Variants in PTPRO observed in about 807,000 individuals in gnomAD.
The protein encoded by PTPRO is receptor-type tyrosine-protein phosphatase O.
Under a neutral mutation model 145.2 loss-of-function variants are expected in PTPRO, and 62 were observed. The ratio of observed to expected loss-of-function variants is 0.43; its 90% CI spans 0.35 to 0.53. The LOEUF is 0.53. Ranked by LOEUF, PTPRO falls within the 20% of genes least tolerant of loss-of-function variation. The pLI is 0.01. For missense variants in PTPRO, 1,345 were observed against 1,482.7 expected (o/e 0.91, Z 1.53); for synonymous variants, 565 against 514.7 (o/e 1.10, Z -1.32).
chr12:15,388,895 A>G (rs952345950), intron 1 of PTPRO, among the ~76,000 whole-genome samples: 2 of 152,008 alleles, frequency 1.3e-5, no homozygotes, highest in African/African-American at 4.8e-5. Flanking sequence ...TGAAATCCGC[A>G]TAAAGTGTTC....
chr12:15,589,670 C>A, intron 25 of PTPRO, 80 bp downstream of exon 25: 1 of 1,513,150 alleles, frequency 6.6e-7, no homozygotes, highest in Non-Finnish European at 9.1e-7. Flanking sequence ...TGCTTCAAAA[C>A]AATTCTCTCA....
intron 1 of PTPRO, among the ~76,000 whole-genome samples, chr12:15,438,678 A>C (rs1005375454): frequency 6.6e-6 from 1 of 152,094 alleles, no homozygotes; most frequent in Non-Finnish European, 1.5e-5. Context: ...AATTTTAAAA[A>C]TGAGCAGTCC....
intron 23 of PTPRO, among the ~76,000 whole-genome samples, chr12:15,584,157 T>A: frequency 6.6e-6 from 1 of 152,234 alleles, no homozygotes; most frequent in East Asian, 1.9e-4. Context: ...GCCTCCCCAG[T>A]ATACTGTGAG....
At chr12:15,555,287 C>A (rs974479179) in intron 15 of PTPRO, among the ~76,000 whole-genome samples, 1 of 152,042 alleles carries the variant, frequency 6.6e-6, no homozygotes, top group African/African-American at 2.4e-5. Flanking sequence ...TGCGTTAGAG[C>A]TTTAGACTGG....
chr12:15,569,625 C>A, intron 19 of PTPRO, 127 bp downstream of exon 19: 1 of 792,182 alleles, frequency 1.3e-6, no homozygotes, highest in Non-Finnish European at 2.1e-6. Flanking sequence ...CTGGGGATTG[C>A]TGATCTGCTG....
At chr12:15,362,670 T>C (rs552657990) in intron 1 of PTPRO, among the ~76,000 whole-genome samples, 1 of 152,008 alleles carries the variant, frequency 6.6e-6, no homozygotes, top group Non-Finnish European at 1.5e-5. Context: ...GAACATGAAA[T>C]AGGTCCAGTA....
chr12:15,592,731 A>G (rs1056001836), intron 25 of PTPRO, among the ~76,000 whole-genome samples: 1 of 152,240 alleles, frequency 6.6e-6, no homozygotes, highest in Non-Finnish European at 1.5e-5. Flanking sequence ...GATAACTTTC[A>G]CTAATTTTTG....
intron 23 of PTPRO, among the ~76,000 whole-genome samples, chr12:15,586,110 A>T (rs1390869432): frequency 6.6e-6 from 1 of 152,204 alleles, no homozygotes; most frequent in Non-Finnish European, 1.5e-5. Flanking sequence ...AAGTATCATT[A>T]GGCCATTTTT....
chr12:15,451,197 A>G (rs1941036698), intron 1 of PTPRO, among the ~76,000 whole-genome samples: 1 of 152,260 alleles, frequency 6.6e-6, no homozygotes, highest in South Asian at 2.1e-4. Flanking sequence ...CTTATATAAG[A>G]CAAAGCAAAC....
At chr12:15,354,599 A>G (rs1444112626) in intron 1 of PTPRO, among the ~76,000 whole-genome samples, 1 of 152,216 alleles carries the variant, frequency 6.6e-6, no homozygotes, top group African/African-American at 2.4e-5. Flanking sequence ...CTCATCTAAG[A>G]GAATCACTAA....
chr12:15,508,581 A>G lies in PTPRO; in HGVS notation c.1278A>G (p.Gly426=). Residue 426 remains glycine, a synonymous_variant, in exon 7 of 27, where the codon GGA becomes GGG. Transcript: ENST00000281171. Reference sequence around the variant, plus strand: ...ATTTGAAATGTGCAGGTCCTTCAGGAGAGTGGATTGAAGAACTGACCGAGA... The same window carrying G: ...ATTTGAAATGTGCAGGTCCTTCAGGGGAGTGGATTGAAGAACTGACCGAGA... ...KSLSFYISPS[G]EWIEELTEKP... is the part of the protein sequence containing the mutation. The G allele has an allele frequency of 6.2e-7, 1 of 1,613,964 alleles. No individual in the cohort carries two copies.
At chr12:15,388,629 T>C (rs1025163877) in intron 1 of PTPRO, among the ~76,000 whole-genome samples, 2 of 152,212 alleles carry the variant, frequency 1.3e-5, no homozygotes, top group African/African-American at 4.8e-5. Flanking sequence ...TGTGGGTATT[T>C]TTTATTTTAG....
chr12:15,592,533 G>A (rs1245600833), intron 25 of PTPRO, among the ~76,000 whole-genome samples: 1 of 152,160 alleles, frequency 6.6e-6, no homozygotes, highest in Non-Finnish European at 1.5e-5. Flanking sequence ...ATGCTGCCTG[G>A]ACTGCACTGT....
rs1167631009 is a variant in PTPRO at position 15,322,842 on chromosome 12, CGGCAGCCGCGCTCCGGCGCCCTCG to C, written c.75+42_75+65del. The C allele has an allele frequency of 1.3e-6, 2 of 1,585,616 alleles. No individual in the cohort carries two copies. The highest frequency in any genetic ancestry group is 2.7e-5 in the African/African-American group (2 of 73,576). ...CACCCCTTTTTCCCAGCGGTCCGGGCGGCAGCCGCGCTCCGGCGCCCTCGCTCTGCCGTTGGGAGCGGCGCGCCC... is the reference window on the plus strand; with the variant it reads ...CACCCCTTTTTCCCAGCGGTCCGGGCCTCTGCCGTTGGGAGCGGCGCGCCC... On this transcript the variant is annotated intron_variant, in intron 1 of 26. Transcript: ENST00000281171. The surrounding 1 kb of genome is among the most constrained non-coding windows in gnomAD (Gnocchi z 6.3).
intron 1 of PTPRO, among the ~76,000 whole-genome samples, chr12:15,451,838 CA>C (rs1941053788): frequency 6.6e-6 from 1 of 152,178 alleles, no homozygotes. Flanking sequence ...TGGGGTACAG[CA>C]AAGGCTGTGC....
At chr12:15,485,584 G>C (rs544272199) in intron 2 of PTPRO, among the ~76,000 whole-genome samples, 76 of 152,160 alleles carry the variant, frequency 5.0e-4, no homozygotes, top group Middle Eastern at 6.8e-3. Context: ...GACCCGGGGG[G>C]AAAAATTAAG....
chr12:15,540,868 T>A (rs1231239305), intron 12 of PTPRO, among the ~76,000 whole-genome samples: 1 of 152,330 alleles, frequency 6.6e-6, no homozygotes, highest in South Asian at 2.1e-4. Flanking sequence ...TTCTATGCAT[T>A]GTACTTGATT....
chr12:15,388,974 TCAAGGAAAAAGGTTTTATTTTCTCTG>T (rs1341500578), intron 1 of PTPRO, among the ~76,000 whole-genome samples: 4 of 152,112 alleles, frequency 2.6e-5, no homozygotes, highest in Non-Finnish European at 5.9e-5. Context: ...CACTGACTGA[TCAAGGAAAAAGGTTTTATTTTCTCTG>T]TCTTTTTATC....
chr12:15,497,928 C>T (rs943275899), intron 3 of PTPRO, among the ~76,000 whole-genome samples: 1 of 152,040 alleles, frequency 6.6e-6, no homozygotes, highest in African/African-American at 2.4e-5. Context: ...GAGAAAAGAG[C>T]CCAGGAGAAG....
Sources: gnomAD v4.1 joint callset for allele counts (sites outside exome capture counted in the v4.1 genomes callset) on GRCh38, gnomAD v4.1.1 for gene constraint, Gnocchi (gnomAD v3.1) non-coding constraint, MANE v1.5 for transcripts, NCBI Gene and HGNC (gene_info 2026-07-23, HGNC 2026-07-21) for gene names.